The following PRDM5 variants were observed in gnomAD, a reference collection of about 807,000 sequenced individuals.
PRDM5 encodes PR domain zinc finger protein 5.
PRDM5 carries 56 observed loss-of-function variants against 81.2 expected under a neutral mutation model. That is an observed-to-expected ratio of 0.69 (90% confidence interval 0.56 to 0.86). The LOEUF is 0.86. Ranked by LOEUF, PRDM5 falls within the 40% of genes least tolerant of loss-of-function variation. PRDM5 has a pLI of 0.00. For synonymous variants in PRDM5, 267 were observed against 256.4 expected, an observed-to-expected ratio of 1.04 and a Z score of -0.39; for missense variants, 697 against 770.1, an observed-to-expected ratio of 0.91 and a Z score of 1.12.
At chr4:120,873,882 AC>A (rs1457972262) in intron 2 of PRDM5, among the ~76,000 whole-genome samples, 3 of 152,160 alleles carry the variant, frequency 2.0e-5, no homozygotes, top group Non-Finnish European at 4.4e-5. Context: ...GTAGATAGAA[AC>A]TATTAAATAG....
At chr4:120,915,426 T>C (rs2148707598) in intron 1 of PRDM5, among the ~76,000 whole-genome samples, 1 of 151,386 alleles carries the variant, frequency 6.6e-6, no homozygotes, top group East Asian at 2.0e-4. Flanking sequence ...CACATTATTT[T>C]CCAAGGACCT....
intron 3 of PRDM5, among the ~76,000 whole-genome samples, chr4:120,839,498 T>C (rs1030846376): frequency 1.2e-4 from 18 of 152,194 alleles, no homozygotes; most frequent in African/African-American, 3.6e-4. Flanking sequence ...AGCTCCTCTC[T>C]GCAGCTGGTC....
intron 13 of PRDM5, among the ~76,000 whole-genome samples, chr4:120,767,183 C>T (rs182742382): frequency 1.1e-4 from 16 of 152,240 alleles, no homozygotes; most frequent in African/African-American, 2.6e-4. Flanking sequence ...ATTCCTCCCA[C>T]GACTAACAGG....
At chr4:120,722,257 C>T (rs1346194251) in intron 14 of PRDM5, among the ~76,000 whole-genome samples, 1 of 152,086 alleles carries the variant, frequency 6.6e-6, no homozygotes, top group Admixed American at 6.5e-5. Flanking sequence ...AGAACCTGAC[C>T]CTGGGCGTGA....
At chr4:120,813,958 G>A (rs925137865) in intron 7 of PRDM5, among the ~76,000 whole-genome samples, 5 of 152,158 alleles carry the variant, frequency 3.3e-5, no homozygotes, top group Admixed American at 3.3e-4. Context: ...TCTGCCTGCA[G>A]GTATCAAAGG....
Position 120,821,219 on chromosome 4 carries a change from C to T in PRDM5, c.427G>A (p.Glu143Lys). 6.2e-7 allele frequency: 1 copy of T among 1,614,156 alleles called. No individual in the cohort carries two copies. Among genetic ancestry groups the T allele is most frequent in the Non-Finnish European group, 8.5e-7 (1 of 1,180,014 alleles). Residue 143 changes from glutamate (E) to lysine (K), a missense_variant, in exon 4 of 16, where the codon GAA (glutamate) becomes AAA (lysine). Coordinates refer to ENST00000264808, the MANE Select transcript of PRDM5 (RefSeq NM_018699.4). ...CTTCTAGAATTTTCAACTTCCCCTT[C>T]TTTGATGACTGTCATAATTTGCTGT... ...EEQQIMTVIK[E>K]GEVENSRRQS...
rs550186320 is a variant in PRDM5, at chr4:120,917,645, T to C, written c.93+4871A>G. Reference sequence around the variant, plus strand: ...ACAAGACCTGAATAAATAAAAATTATGGCACATCCACAGCATAGACTATAG... The same window carrying C: ...ACAAGACCTGAATAAATAAAAATTACGGCACATCCACAGCATAGACTATAG... On this transcript the variant is annotated intron_variant, in intron 1 of 15. Coordinates refer to ENST00000264808, the MANE Select transcript of PRDM5 (RefSeq NM_018699.4). 2.7e-5 allele frequency among the ~76,000 whole-genome samples: 4 copies of C among 148,478 alleles called. No homozygotes were observed. In the South Asian group the frequency reaches 8.6e-4, roughly 32 times the overall value.
At chr4:120,805,916 G>A (rs552878968) in intron 8 of PRDM5, among the ~76,000 whole-genome samples, 5 of 151,850 alleles carry the variant, frequency 3.3e-5, no homozygotes, top group Non-Finnish European at 4.4e-5. Context: ...CAAATTGTCC[G>A]TTTGCAGATG....
At position 120,776,301 on chromosome 4, in the gene PRDM5, T is replaced by C. The variant is rs1047582496; in HGVS notation, c.1537+887A>G. Among the ~76,000 whole-genome samples the C allele has an allele frequency of 7.9e-5, 12 of 152,328 alleles. No homozygotes were observed. In the East Asian group the frequency reaches 2.3e-3, roughly 29 times the overall value. On this transcript the variant is annotated intron_variant, in intron 13 of 15. Transcript: ENST00000264808. ...AAAAATTATGCTCCAAGGGTGTCCC[T>C]TCCTCCACCTATATCTAATATTCAC...
At chr4:120,786,756 T>C (rs1189105439) in intron 10 of PRDM5, among the ~76,000 whole-genome samples, 3 of 152,150 alleles carry the variant, frequency 2.0e-5, no homozygotes, top group East Asian at 3.9e-4. Context: ...GCAAAAATCT[T>C]TGATGACAAA....
chr4:120,690,350 G>A (rs13147093), downstream of PRDM5, among the ~76,000 whole-genome samples: 26,217 of 151,974 alleles, frequency 0.17, 2,588 homozygotes, highest in Non-Finnish European at 0.24. Context: ...CTTTGAGAAG[G>A]GCCTCCAATA....
chr4:120,907,334 CAAA>C (rs61156380), intron 2 of PRDM5, 137 bp downstream of exon 2: 917 of 572,000 alleles, frequency 1.6e-3, no homozygotes, highest in Non-Finnish European at 1.8e-3. Flanking sequence ...ATCTCCATCT[CAAA>C]AAAAAAAAAA....
intron 14 of PRDM5, chr4:120,731,865 C>A (rs1313424455): frequency 6.6e-6 from 1 of 152,156 alleles, no homozygotes; most frequent in Non-Finnish European, 1.5e-5. Context: ...TACTTCTGCA[C>A]ACTTATAAAT....
chr4:120,750,922 C>T (rs909027254), intron 14 of PRDM5, among the ~76,000 whole-genome samples: 2 of 152,076 alleles, frequency 1.3e-5, no homozygotes, highest in Admixed American at 6.5e-5. Flanking sequence ...GTGGGCCACA[C>T]AGATGAAAAA....
chr4:120,762,970 G>A (rs1255946170), intron 13 of PRDM5, among the ~76,000 whole-genome samples: 1 of 152,166 alleles, frequency 6.6e-6, no homozygotes, highest in African/African-American at 2.4e-5. Flanking sequence ...TTGTAAGAAA[G>A]TGGGCAATAA....
chr4:120,874,487 G>T (rs1762146463), intron 2 of PRDM5, among the ~76,000 whole-genome samples: 2 of 151,846 alleles, frequency 1.3e-5, no homozygotes. Flanking sequence ...TAAAGCAAAT[G>T]AAACATTCAG....
chr4:120,736,328 C>T (rs116791541), intron 14 of PRDM5, among the ~76,000 whole-genome samples: 1,713 of 151,908 alleles, frequency 0.011, 34 homozygotes, highest in African/African-American at 0.039. Context: ...GCAACAAACA[C>T]GAGAGCAGGT....
At chr4:120,897,960 TC>T (rs1428355352) in intron 2 of PRDM5, among the ~76,000 whole-genome samples, 2 of 152,240 alleles carry the variant, frequency 1.3e-5, no homozygotes, top group Non-Finnish European at 2.9e-5. Context: ...CCAGCTTTTA[TC>T]ATTTTTAGTG....
chr4:120,707,098 G>A (rs898523199), intron 15 of PRDM5, among the ~76,000 whole-genome samples: 6 of 151,888 alleles, frequency 4.0e-5, no homozygotes, highest in African/African-American at 1.5e-4. Flanking sequence ...AATAAAGTCA[G>A]ACAAATATGT....
Sources: gnomAD v4.1 joint callset for allele counts (sites outside exome capture counted in the v4.1 genomes callset) on GRCh38, gnomAD v4.1.1 for gene constraint, MANE v1.5 for transcripts, NCBI Gene and HGNC (gene_info 2026-07-23, HGNC 2026-07-21) for gene names.